The following CAPN3 variants were observed in gnomAD, a reference collection of about 807,000 sequenced individuals.
The protein encoded by CAPN3 is calpain-3.
CAPN3 carries 88 observed loss-of-function variants against 114.0 expected under a neutral mutation model. The ratio of observed to expected loss-of-function variants is 0.77; its 90% CI spans 0.65 to 0.92. CAPN3 has a LOEUF of 0.92. Among genes scored for constraint, CAPN3 ranks in the 40% least tolerant of loss-of-function variants. The pLI is 0.00. For missense variants in CAPN3, 1,028 were observed against 1,069.0 expected (o/e 0.96, Z 0.53); for synonymous variants, 386 against 382.9 (o/e 1.01, Z -0.09).
Position 42,359,989 on chromosome 15 carries a change from G to A in CAPN3, c.184G>A (p.Glu62Lys), listed in dbSNP as rs370422576. Residue 62 changes from glutamate (E) to lysine (K), a missense_variant, in exon 1 of 24, where the codon GAG becomes AAG. Glu to Lys is a moderately conservative substitution (Grantham distance 56). Coordinates refer to ENST00000397163, the MANE Select transcript of CAPN3 (RefSeq NM_000070.3). ...TATCGGAGTGAAAGAGAAGACATTC[G>A]AGCAACTTCACAAGAAATGTCTAGA... ...PIIGVKEKTF[E>K]QLHKKCLEKK... The A allele has an allele frequency of 2.8e-5, 45 of 1,614,174 alleles. No homozygotes were observed. Among genetic ancestry groups the A allele is most frequent in the South Asian group, 3.3e-5 (3 of 91,070 alleles).
chr15:42,364,072 C>T (rs2052718884), intron 1 of CAPN3, among the ~76,000 whole-genome samples: 1 of 152,194 alleles, frequency 6.6e-6, no homozygotes, highest in Non-Finnish European at 1.5e-5. Context: ...ATTGGGCCTC[C>T]TCAAGACACA....
rs746962424 is a variant in CAPN3 at position 42,399,444 on chromosome 15, C to T, written c.1194-48C>T. 8.1e-6 allele frequency: 12 copies of T among 1,476,288 alleles called. No individual in the cohort carries two copies. In the South Asian group the frequency reaches 1.4e-4, roughly 17 times the overall value. 91.4% of individuals were successfully genotyped at this position (1,476,288 alleles called of 1,614,324 possible). A position where few individuals can be genotyped will look rare whatever the true frequency, so the allele number is the denominator to read the frequency against. On this transcript the variant is annotated intron_variant, in intron 9 of 23. Coordinates refer to ENST00000397163, the MANE Select transcript of CAPN3 (RefSeq NM_000070.3). ...GTCCTGGGGTCTTCCGTTCCCAGCC[C>T]TCCTCACCTGCTCCCATATGGCTCT... is the stretch of plus-strand genomic sequence containing the variant.
At chr15:42,409,680 C>A in intron 17 of CAPN3, 107 bp from the exon 18 acceptor site, 2 of 1,050,436 alleles carry the variant, frequency 1.9e-6, no homozygotes, top group Non-Finnish European at 3.0e-6. Context: ...ATAATAGCAC[C>A]GACAGGGATT....
chr15:42,401,974 G>T, intron 11 of CAPN3, 150 bp from the exon 12 acceptor site: 1 of 1,283,206 alleles, frequency 7.8e-7, no homozygotes, highest in Non-Finnish European at 1.1e-6. Context: ...ATACCAGGGG[G>T]GGCATTAGAG....
chr15:42,363,299 A>G (rs558522135), intron 1 of CAPN3, among the ~76,000 whole-genome samples: 140 of 152,218 alleles, frequency 9.2e-4, no homozygotes, highest in African/African-American at 3.2e-3. Flanking sequence ...AAATTATTCA[A>G]CACTTCTCAA....
rs181742437 is a variant in CAPN3 at position 42,411,012 on chromosome 15, A to G, written c.2380+12A>G. 5.0e-6 allele frequency: 7 copies of G among 1,412,318 alleles called. No homozygotes were observed. The highest frequency in any genetic ancestry group is 6.9e-6 in the Non-Finnish European group (7 of 1,008,990). The allele number at this position is 1,412,318 out of a possible 1,614,324, so 87.5% of individuals were successfully genotyped here. On this transcript the variant is annotated intron_variant, in intron 22 of 23. Transcript: ENST00000397163. The stretch of plus-strand genomic sequence containing the variant: ...GGAGGGCATGTTCAGTAAGTGGGAG[A>G]GGGGGGCTGCCCTCTGCTCTCTTGC...
chr15:42,385,932 G>C lies in CAPN3; in HGVS notation c.380-235G>C, dbSNP rs16973203. 3.8e-3 allele frequency: 2,689 copies of C among 708,308 alleles called. 35 individuals carry two copies. The highest frequency in any genetic ancestry group is 0.038 in the African/African-American group (2,186 of 57,988). The allele number at this position is 708,308 out of a possible 1,614,324, so 43.9% of individuals were successfully genotyped here. A position where few individuals can be genotyped will look rare whatever the true frequency, so the allele number is the denominator to read the frequency against. On this transcript the variant is annotated intron_variant, in intron 2 of 23. Coordinates refer to ENST00000397163, the MANE Select transcript of CAPN3 (RefSeq NM_000070.3). ...AGTTGGAGGAACTGCCTGCAGCCTT[G>C]AGGAAAATGTCTAGTCACAAGGGAG...
chr15:42,409,408 A>C, intron 17 of CAPN3, 28 bp downstream of exon 17: 1 of 1,578,970 alleles, frequency 6.3e-7, no homozygotes, highest in Non-Finnish European at 8.7e-7. Context: ...CAGGACGCCC[A>C]CAGGTGCTTC....
Position 42,410,618 on chromosome 15 carries a change from T to G in CAPN3, c.2215T>G (p.Ser739Ala). The G allele has an allele frequency of 6.2e-7, 1 of 1,613,840 alleles. No individual in the cohort carries two copies. Among genetic ancestry groups the G allele is most frequent in the South Asian group, 1.1e-5 (1 of 91,064 alleles). ...TTTCAAACACTATGACACAGACCAG[T>G]CCGGCACCATCAACAGCTACGAGAT... ...KIFKHYDTDQ[S>A]GTINSYEMRN... The change falls in exon 21 of 24, where the codon TCC becomes GCC. Residue 739 changes from serine (S) to alanine (A), a missense_variant. Coordinates refer to ENST00000397163, the MANE Select transcript of CAPN3 (RefSeq NM_000070.3).
rs759881880 is a variant in CAPN3, at chr15:42,392,642, A to G, written c.949A>G (p.Ile317Val). The G allele has an allele frequency of 8.7e-6, 14 of 1,613,126 alleles. No individual in the cohort carries two copies. The East Asian group carries it at 1.3e-4, about 15-fold the overall frequency. Residue 317 changes from isoleucine (I) to valine (V), a missense_variant, in exon 7 of 24, where the codon ATC becomes GTC. Physicochemically the swap from Ile to Val is conservative, Grantham distance 29. Transcript: ENST00000397163. ...RGSDERPTRT[I>V]IPVQYETRMA... ...TTCTCTGGTTACTGCTCTACAGACAATCATTCCGGTTCAGTATGAGACAAG... is the reference window on the plus strand; with the variant it reads ...TTCTCTGGTTACTGCTCTACAGACAGTCATTCCGGTTCAGTATGAGACAAG...
At position 42,386,169 on chromosome 15, in the gene CAPN3, G is replaced by A; in HGVS notation, c.382G>A (p.Asp128Asn). The A allele has an allele frequency of 6.2e-7, 1 of 1,608,840 alleles. No individual in the cohort carries two copies. Among genetic ancestry groups the A allele is most frequent in the Non-Finnish European group, 8.5e-7 (1 of 1,175,268 alleles). The change falls in exon 3 of 24, where the codon GAC becomes AAC. Residue 128 changes from aspartate to asparagine, a missense_variant and splice_region_variant. Transcript: ENST00000397163. ...CTGTGCCCTGTGTCTGCCTGCAGGG[G>A]ACTGCTGGTTTCTCGCAGCCATTGC... ...RTDICQGELG[D>N]CWFLAAIACL...
At chr15:42,379,019 C>A (rs1478917521) in intron 1 of CAPN3, among the ~76,000 whole-genome samples, 4 of 152,032 alleles carry the variant, frequency 2.6e-5, no homozygotes, top group Admixed American at 2.0e-4. Context: ...GCTTTCTATT[C>A]TTTTAAATTG....
intron 1 of CAPN3, among the ~76,000 whole-genome samples, chr15:42,381,338 T>C (rs556026265): frequency 3.9e-5 from 6 of 152,318 alleles, no homozygotes; most frequent in African/African-American, 1.4e-4. Flanking sequence ...TCCTCTACTT[T>C]TGTTTGTCTG....
chr15:42,395,099 A>G (rs1252037999), intron 8 of CAPN3, among the ~76,000 whole-genome samples: 1 of 152,170 alleles, frequency 6.6e-6, no homozygotes, highest in Non-Finnish European at 1.5e-5. Context: ...GGTACTTCTT[A>G]GCCCAGCATG....
Position 42,409,857 on chromosome 15 carries a change from A to T in CAPN3, c.2050+13A>T, listed in dbSNP as rs1380093071. On this transcript the variant is annotated intron_variant, in intron 18 of 23. Transcript: ENST00000397163. Reference sequence around the variant, plus strand: ...GTCGTGAACAAACGTGAGTTGCTCAAACCAAATGGGGGTGGGGTGGGTGGG... The same window carrying T: ...GTCGTGAACAAACGTGAGTTGCTCATACCAAATGGGGGTGGGGTGGGTGGG... 5 of 860,828 alleles carry T rather than the reference A, an allele frequency of 5.8e-6. No homozygotes were observed. Among genetic ancestry groups the T allele is most frequent in the Non-Finnish European group, 8.8e-6 (5 of 566,132 alleles). 53.3% of individuals were successfully genotyped at this position (860,828 alleles called of 1,614,324 possible).
intron 14 of CAPN3, chr15:42,404,286 A>G (rs193191737): frequency 6.6e-6 from 3 of 456,580 alleles, no homozygotes; most frequent in Middle Eastern, 3.3e-4. Context: ...GTGAGGCTTC[A>G]TCAATGAGGT....
At chr15:42,376,803 A>G (rs1274201373) in intron 1 of CAPN3, among the ~76,000 whole-genome samples, 5 of 152,216 alleles carry the variant, frequency 3.3e-5, no homozygotes. Context: ...ACACATATCT[A>G]TAATATTTCT....
At chr15:42,392,750 A>G in intron 7 of CAPN3, 28 bp downstream of exon 7, 15 of 1,587,656 alleles carry the variant, frequency 9.4e-6, no homozygotes, top group Non-Finnish European at 1.2e-5. Context: ...TGGTGGGGCA[A>G]GGGCACCCTC....
chr15:42,406,196 A>AT (rs1191612695), intron 15 of CAPN3, among the ~76,000 whole-genome samples: 1 of 152,162 alleles, frequency 6.6e-6, no homozygotes, highest in Non-Finnish European at 1.5e-5. Context: ...GCCCTATGAG[A>AT]TTAGTACTAT....
Sources: allele counts gnomAD v4.1 joint callset (sites outside exome capture counted in the v4.1 genomes callset), GRCh38; gene constraint gnomAD v4.1.1; transcripts MANE v1.5; gene names NCBI Gene and HGNC (gene_info 2026-07-23, HGNC 2026-07-21).